The following GULP1 variants were observed in gnomAD, a reference collection of about 807,000 sequenced individuals.
GULP1 encodes the protein PTB domain-containing engulfment adapter protein 1.
In GULP1, 19 loss-of-function variants were observed where a neutral mutation model predicts 40.9. The observed-to-expected ratio is 0.46, with a 90% confidence interval of 0.32 to 0.68. The LOEUF is 0.68. Ranked by LOEUF, GULP1 falls within the 30% of genes least tolerant of loss-of-function variation. GULP1 has a pLI of 0.03. For missense variants in GULP1, 312 were observed against 362.2 expected (o/e 0.86, Z 1.12); for synonymous variants, 119 against 117.6 (o/e 1.01, Z -0.08).
At chr2:188,402,071 A>G (rs1482680573) in intron 2 of GULP1, among the ~76,000 whole-genome samples, 2 of 152,126 alleles carry the variant, frequency 1.3e-5, no homozygotes, top group Non-Finnish European at 2.9e-5. Flanking sequence ...TCCAAGTTTC[A>G]GAATATTAAT....
intron 1 of GULP1, among the ~76,000 whole-genome samples, chr2:188,327,848 C>T (rs2040978125): frequency 6.6e-6 from 1 of 152,102 alleles, no homozygotes; most frequent in Non-Finnish European, 1.5e-5. Context: ...GACAATTTCA[C>T]ATGGCCAACC....
chr2:188,384,880 G>A (rs1329117979), intron 2 of GULP1, among the ~76,000 whole-genome samples: 1 of 152,222 alleles, frequency 6.6e-6, no homozygotes, highest in African/African-American at 2.4e-5. Flanking sequence ...GCTGATGTAA[G>A]AGGTGAGTTC....
intron 1 of GULP1, among the ~76,000 whole-genome samples, chr2:188,310,893 A>G (rs1003807875): frequency 2.0e-5 from 3 of 152,238 alleles, no homozygotes; most frequent in African/African-American, 7.2e-5. Context: ...GAGATAGAAA[A>G]GAAAGGACTA....
chr2:188,439,772 G>T (rs748052398), intron 2 of GULP1, among the ~76,000 whole-genome samples: 2 of 151,948 alleles, frequency 1.3e-5, no homozygotes, highest in African/African-American at 4.8e-5. Flanking sequence ...CTCAAAATTT[G>T]CAATATGCTT....
At chr2:188,554,116 TG>T in intron 7 of GULP1, among the ~76,000 whole-genome samples, 1 of 151,988 alleles carries the variant, frequency 6.6e-6, no homozygotes, top group Non-Finnish European at 1.5e-5. Context: ...TGTTTGATCT[TG>T]TGTATTTTTT....
intron 7 of GULP1, among the ~76,000 whole-genome samples, chr2:188,550,256 G>T (rs2153370554): frequency 6.6e-6 from 1 of 151,694 alleles, no homozygotes; most frequent in South Asian, 2.1e-4. Flanking sequence ...AAAAGAATTA[G>T]TTTCTTTCCT....
intron 1 of GULP1, among the ~76,000 whole-genome samples, chr2:188,361,192 C>T (rs1227713598): frequency 1.3e-5 from 2 of 151,958 alleles, no homozygotes; most frequent in Non-Finnish European, 2.9e-5. Context: ...ATTTATTCAT[C>T]TGTTCTGTCC....
At chr2:188,403,378 A>G (rs548456200) in intron 2 of GULP1, among the ~76,000 whole-genome samples, 10 of 152,272 alleles carry the variant, frequency 6.6e-5, no homozygotes, top group African/African-American at 2.2e-4. Context: ...CGTGCCCTAA[A>G]TTAACATGAA....
chr2:188,389,525 G>A (rs1435307806), intron 2 of GULP1, among the ~76,000 whole-genome samples: 1 of 152,120 alleles, frequency 6.6e-6, no homozygotes, highest in African/African-American at 2.4e-5. Context: ...AATGTATTAT[G>A]AGTCTTAGTG....
At chr2:188,424,913 T>A (rs372333274) in intron 2 of GULP1, among the ~76,000 whole-genome samples, 38 of 152,164 alleles carry the variant, frequency 2.5e-4, no homozygotes, top group African/African-American at 7.7e-4. Flanking sequence ...TAGCTAGATA[T>A]AAAGGTTTGA....
intron 4 of GULP1, among the ~76,000 whole-genome samples, chr2:188,499,981 T>G (rs998110087): frequency 6.6e-6 from 1 of 151,852 alleles, no homozygotes; most frequent in Non-Finnish European, 1.5e-5. Flanking sequence ...ATATATTTAG[T>G]TCTTTTCTGC....
chr2:188,341,605 A>G (rs2042975517), intron 1 of GULP1, among the ~76,000 whole-genome samples: 2 of 152,310 alleles, frequency 1.3e-5, no homozygotes, highest in African/African-American at 2.4e-5. Flanking sequence ...AGGGGAATTT[A>G]TATCTGCTAT....
intron 1 of GULP1, among the ~76,000 whole-genome samples, chr2:188,336,702 G>A (rs1223935058): frequency 6.6e-6 from 1 of 152,136 alleles, no homozygotes; most frequent in Non-Finnish European, 1.5e-5. Flanking sequence ...TAGTTAGCAT[G>A]AATATATGTG....
intron 2 of GULP1, among the ~76,000 whole-genome samples, chr2:188,440,677 G>A (rs912940796): frequency 3.9e-5 from 6 of 152,018 alleles, no homozygotes; most frequent in Non-Finnish European, 1.5e-5. Flanking sequence ...CATTTCTCTC[G>A]CCTCAGCCTC....
chr2:188,381,063 T>A (rs1396431055), intron 1 of GULP1, among the ~76,000 whole-genome samples: 2 of 152,106 alleles, frequency 1.3e-5, no homozygotes, highest in Admixed American at 6.6e-5. Context: ...TTAAGAAGCA[T>A]TTGAATTGGA....
chr2:188,368,939 G>GTGTATATA (rs1272494109), intron 1 of GULP1, among the ~76,000 whole-genome samples: 72 of 86,060 alleles, frequency 8.4e-4, no homozygotes, highest in African/African-American at 2.4e-3. Flanking sequence ...ATATATGTGT[G>GTGTATATA]TATATATATA....
intron 9 of GULP1, among the ~76,000 whole-genome samples, chr2:188,575,315 G>A (rs776790209): frequency 1.3e-5 from 2 of 152,116 alleles, no homozygotes; most frequent in South Asian, 4.1e-4. Flanking sequence ...ATTATAAAAT[G>A]TGTACTGAAG....
intron 9 of GULP1, among the ~76,000 whole-genome samples, chr2:188,577,103 C>G (rs1392472049): frequency 6.6e-6 from 1 of 152,004 alleles, no homozygotes; most frequent in Non-Finnish European, 1.5e-5. Context: ...TTAACCAAAC[C>G]AGACTATTGC....
At chr2:188,309,248 T>G (rs1453702727) in intron 1 of GULP1, among the ~76,000 whole-genome samples, 1 of 152,060 alleles carries the variant, frequency 6.6e-6, no homozygotes, top group Non-Finnish European at 1.5e-5. Context: ...GGCAGGTTGC[T>G]TGAGCCCAGC....
Sources: allele counts gnomAD v4.1 joint callset (sites outside exome capture counted in the v4.1 genomes callset), GRCh38; gene constraint gnomAD v4.1.1; transcripts MANE v1.5; gene names NCBI Gene and HGNC (gene_info 2026-07-23, HGNC 2026-07-21).